PTPRM: variants seen among roughly 807,000 people sequenced by gnomAD.
The protein encoded by PTPRM is receptor-type tyrosine-protein phosphatase mu.
In PTPRM, 47 loss-of-function variants were observed where a neutral mutation model predicts 186.7. The ratio of observed to expected loss-of-function variants is 0.25; its 90% CI spans 0.20 to 0.32. PTPRM has a LOEUF of 0.32. Among genes scored for constraint, PTPRM ranks in the 10% least tolerant of loss-of-function variants. PTPRM has a pLI of 1.00. For missense variants in PTPRM, 1,494 were observed against 1,865.0 expected (o/e 0.80, Z 3.66); for synonymous variants, 668 against 674.9 (o/e 0.99, Z 0.16).
intron 7 of PTPRM, among the ~76,000 whole-genome samples, chr18:8,020,652 T>A (rs2147956813): frequency 6.6e-6 from 1 of 151,010 alleles, no homozygotes; most frequent in Admixed American, 6.5e-5. Flanking sequence ...CTCTCAGTAC[T>A]GGCTTGGTGC....
chr18:7,877,847 T>G (rs143117059), intron 2 of PTPRM, among the ~76,000 whole-genome samples: 1 of 152,278 alleles, frequency 6.6e-6, no homozygotes, highest in East Asian at 1.9e-4. Flanking sequence ...TGACTCAGAT[T>G]GAGAGTGATT....
intron 14 of PTPRM, among the ~76,000 whole-genome samples, chr18:8,227,460 A>T (rs1219444234): frequency 6.6e-6 from 1 of 152,234 alleles, no homozygotes; most frequent in African/African-American, 2.4e-5. Flanking sequence ...CTTTGTGTTT[A>T]TGAGATGCTT....
chr18:8,394,342 G>A, intron 31 of PTPRM, 134 bp from the exon 32 acceptor site: 1 of 978,276 alleles, frequency 1.0e-6, no homozygotes. Flanking sequence ...ATCTGCCCAG[G>A]TAAGAGGTCC....
chr18:7,936,524 T>G (rs989139589), intron 5 of PTPRM, among the ~76,000 whole-genome samples: 11 of 152,156 alleles, frequency 7.2e-5, no homozygotes, highest in South Asian at 2.1e-4. Flanking sequence ...CCTTCCTGAC[T>G]TTAGGCACTG....
intron 1 of PTPRM, among the ~76,000 whole-genome samples, chr18:7,697,414 A>G (rs2039868899): frequency 6.6e-6 from 1 of 152,316 alleles, no homozygotes; most frequent in African/African-American, 2.4e-5. Context: ...ACAAACAAAC[A>G]AGATATCAGA....
At chr18:7,578,362 G>A (rs376077915) in intron 1 of PTPRM, among the ~76,000 whole-genome samples, 1 of 141,904 alleles carries the variant, frequency 7.0e-6, no homozygotes, top group Non-Finnish European at 1.5e-5. Context: ...TTGAGACGGA[G>A]TCTTGCTCTG....
At chr18:7,817,797 C>G (rs2044925628) in intron 2 of PTPRM, among the ~76,000 whole-genome samples, 1 of 152,118 alleles carries the variant, frequency 6.6e-6, no homozygotes, top group Non-Finnish European at 1.5e-5. Context: ...TTGGGATGTG[C>G]AGATCCAAGG....
intron 23 of PTPRM, among the ~76,000 whole-genome samples, chr18:8,344,444 G>GTATATATATATATATA (rs749210473): frequency 7.7e-6 from 1 of 129,530 alleles, no homozygotes; most frequent in Non-Finnish European, 1.6e-5. Flanking sequence ...GTGTGTGTGT[G>GTATATATATATATATA]TGTGTATATA....
chr18:7,759,191 G>A lies in PTPRM; in HGVS notation c.74-14958G>A, dbSNP rs1213534111. Among the ~76,000 whole-genome samples the A allele has an allele frequency of 1.3e-5, 2 of 152,148 alleles. 1 individual carries two copies. Among genetic ancestry groups the A allele is most frequent in the South Asian group, 4.1e-4 (2 of 4,826 alleles). On this transcript the variant is annotated intron_variant, in intron 1 of 32. Coordinates refer to ENST00000580170, the MANE Select transcript of PTPRM (RefSeq NM_001105244.2). Reference sequence around the variant, plus strand: ...TCTTAAGTCCAGTCAATATTCCATCGATGCACAAGTGTTTATTCTCTATTC... The same window carrying A: ...TCTTAAGTCCAGTCAATATTCCATCAATGCACAAGTGTTTATTCTCTATTC...
At chr18:7,935,241 G>A (rs138628706) in intron 5 of PTPRM, among the ~76,000 whole-genome samples, 2 of 152,046 alleles carry the variant, frequency 1.3e-5, no homozygotes, top group Non-Finnish European at 2.9e-5. Flanking sequence ...GTCTTTAGTT[G>A]CTATGGGAAC....
In PTPRM at chr18:7,839,885, C is replaced by A. The variant is rs141257412; in HGVS notation, c.197-48221C>A. Among the ~76,000 whole-genome samples, 267 of 152,172 alleles carry A rather than the reference C, an allele frequency of 1.8e-3. 1 individual carries two copies. Among genetic ancestry groups the A allele is most frequent in the Admixed American group, 3.8e-3 (58 of 15,288 alleles). ...GACTGTTGGGACTGGTGATTCCCCTCTTCCTAGGGCTGGTTTAAATGCTCC... is the reference window on the plus strand; with the variant it reads ...GACTGTTGGGACTGGTGATTCCCCTATTCCTAGGGCTGGTTTAAATGCTCC... On this transcript the variant is annotated intron_variant, in intron 2 of 32. Coordinates refer to ENST00000580170, the MANE Select transcript of PTPRM (RefSeq NM_001105244.2).
chr18:7,815,913 T>C (rs1457846462), intron 2 of PTPRM, among the ~76,000 whole-genome samples: 4 of 152,198 alleles, frequency 2.6e-5, no homozygotes, highest in Admixed American at 6.5e-5. Flanking sequence ...CCTCATGTAG[T>C]GAACACAAGA....
At chr18:8,289,161 T>A (rs2094992939) in intron 19 of PTPRM, among the ~76,000 whole-genome samples, 1 of 152,072 alleles carries the variant, frequency 6.6e-6, no homozygotes, top group African/African-American at 2.4e-5. Context: ...AGCCACTCAA[T>A]GTCTTTCATA....
chr18:8,341,430 G>A (rs142487880), intron 22 of PTPRM, among the ~76,000 whole-genome samples: 14 of 152,276 alleles, frequency 9.2e-5, no homozygotes, highest in African/African-American at 2.2e-4. Flanking sequence ...GTCTTACACC[G>A]AGCAATCCCA....
At chr18:7,713,764 GA>G (rs2040262743) in intron 1 of PTPRM, among the ~76,000 whole-genome samples, 1 of 149,102 alleles carries the variant, frequency 6.7e-6, no homozygotes, top group Non-Finnish European at 1.5e-5. Context: ...AACCAACAAA[GA>G]TCAAAAGACA....
chr18:7,930,035 T>C (rs2051387777), intron 5 of PTPRM, among the ~76,000 whole-genome samples: 1 of 152,172 alleles, frequency 6.6e-6, no homozygotes, highest in African/African-American at 2.4e-5. Context: ...AATACATCTT[T>C]GTTTGGGGGT....
intron 1 of PTPRM, among the ~76,000 whole-genome samples, chr18:7,575,670 G>T (rs2036670286): frequency 6.6e-6 from 1 of 152,140 alleles, no homozygotes; most frequent in African/African-American, 2.4e-5. Context: ...AACCTTTGGG[G>T]CCTTCTTGTA....
At chr18:8,008,779 C>A (rs543689922) in intron 7 of PTPRM, among the ~76,000 whole-genome samples, 4 of 152,336 alleles carry the variant, frequency 2.6e-5, no homozygotes, top group African/African-American at 9.6e-5. Flanking sequence ...GAGATCCACA[C>A]TGACCTCGCT....
chr18:7,820,604 C>A (rs1297844956), intron 2 of PTPRM, among the ~76,000 whole-genome samples: 2 of 152,052 alleles, frequency 1.3e-5, no homozygotes, highest in African/African-American at 4.8e-5. Context: ...CCCTTCGAGG[C>A]ACCCCCAGTC....
Sources: allele counts gnomAD v4.1 joint callset (sites outside exome capture counted in the v4.1 genomes callset), GRCh38; gene constraint gnomAD v4.1.1; transcripts MANE v1.5; gene names NCBI Gene and HGNC (gene_info 2026-07-23, HGNC 2026-07-21).